SCAND3: variants seen among roughly 807,000 people sequenced by gnomAD.
SCAND3 encodes the protein SCAN domain-containing protein 3.
chr6:28,586,392 T>C, the SCAND3 span: 5 of 1,614,094 alleles, frequency 3.1e-6, no homozygotes, highest in South Asian at 5.5e-5. The surrounding 1 kb of genome is among the most constrained non-coding windows in gnomAD (Gnocchi z 4.4). Context: ...CACCCAAGAC[T>C]GGAGCTCCTC....
At chr6:28,586,743 G>C in the SCAND3 span, 2 of 1,592,248 alleles carry the variant, frequency 1.3e-6, no homozygotes, top group Non-Finnish European at 1.7e-6. The surrounding 1 kb of genome is among the most constrained non-coding windows in gnomAD (Gnocchi z 4.4). Context: ...CTCAGGCAAA[G>C]GTTCTCTCCA....
chr6:28,585,074 G>C, the SCAND3 span: 15 of 152,314 alleles, frequency 9.8e-5, no homozygotes, highest in South Asian at 4.1e-4. Context: ...AACACTGGCA[G>C]TTGTTCCAGC....
At chr6:28,586,271 CAGA>C in the SCAND3 span, 7 of 1,555,720 alleles carry the variant, frequency 4.5e-6, no homozygotes, top group African/African-American at 6.8e-5. The surrounding 1 kb of genome is among the most constrained non-coding windows in gnomAD (Gnocchi z 4.4). Context: ...AAATTCTCCA[CAGA>C]AGATGGCACC....
the SCAND3 span, among the ~76,000 whole-genome samples, chr6:28,596,674 C>A: frequency 6.6e-6 from 1 of 152,066 alleles, no homozygotes; most frequent in Non-Finnish European, 1.5e-5. Context: ...AGAAACTATT[C>A]AATATGGACA....
At chr6:28,573,673 G>A in the SCAND3 span, 8 of 1,611,036 alleles carry the variant, frequency 5.0e-6, no homozygotes, top group Non-Finnish European at 6.8e-6. Context: ...AATATATGAA[G>A]GATCATATTT....
At chr6:28,613,913 A>G in the SCAND3 span, among the ~76,000 whole-genome samples, 1 of 152,006 alleles carries the variant, frequency 6.6e-6, no homozygotes, top group African/African-American at 2.4e-5. Context: ...ACAAGTATAG[A>G]CACTACTATA....
At chr6:28,579,176 T>C in the SCAND3 span, 4 of 1,132,680 alleles carry the variant, frequency 3.5e-6, no homozygotes, top group African/African-American at 1.5e-5. This position sits in a 1 kb window ranked among gnomAD's most constrained non-coding sequence, Gnocchi z 4.5. Context: ...ATACATTCAG[T>C]AGAAGCTGAA....
At chr6:28,604,355 G>A in the SCAND3 span, among the ~76,000 whole-genome samples, 1 of 151,866 alleles carries the variant, frequency 6.6e-6, no homozygotes, top group Non-Finnish European at 1.5e-5. Context: ...TGTGGCTCAC[G>A]CCTATAATCT....
the SCAND3 span, among the ~76,000 whole-genome samples, chr6:28,591,931 TA>T: frequency 6.6e-6 from 1 of 152,116 alleles, no homozygotes; most frequent in African/African-American, 2.4e-5. Flanking sequence ...CTGAGGAAAT[TA>T]AAACAGACTT....
chr6:28,572,631 T>C, the SCAND3 span: 2 of 1,613,828 alleles, frequency 1.2e-6, no homozygotes, highest in East Asian at 2.2e-5. The surrounding 1 kb of genome is among the most constrained non-coding windows in gnomAD (Gnocchi z 4.1). Flanking sequence ...ACCACATGGG[T>C]TTCTTGCCTT....
the SCAND3 span, chr6:28,572,672 C>T: frequency 6.2e-7 from 1 of 1,614,074 alleles, no homozygotes; most frequent in Non-Finnish European, 8.5e-7. This position sits in a 1 kb window ranked among gnomAD's most constrained non-coding sequence, Gnocchi z 4.1. Context: ...TTTCGTATTT[C>T]AAACATTCTT....
chr6:28,576,384 C>T, the SCAND3 span, among the ~76,000 whole-genome samples: 3 of 152,036 alleles, frequency 2.0e-5, no homozygotes, highest in Non-Finnish European at 4.4e-5. Flanking sequence ...CTCAGCCTCC[C>T]GAGTAGCTGG....
the SCAND3 span, chr6:28,575,423 T>C: frequency 6.2e-7 from 1 of 1,614,036 alleles, no homozygotes; most frequent in South Asian, 1.1e-5. This position sits in a 1 kb window ranked among gnomAD's most constrained non-coding sequence, Gnocchi z 4.2. Context: ...GGTGCTCCAA[T>C]AATTGTAAAT....
chr6:28,575,129 C>G, the SCAND3 span: 1 of 1,614,128 alleles, frequency 6.2e-7, no homozygotes, highest in Non-Finnish European at 8.5e-7. The surrounding 1 kb of genome is among the most constrained non-coding windows in gnomAD (Gnocchi z 4.2). Flanking sequence ...AGTTTAGCTT[C>G]AGAGCTAAAT....
chr6:28,605,778 G>A, the SCAND3 span, among the ~76,000 whole-genome samples: 2,906 of 152,152 alleles, frequency 0.019, 40 homozygotes, highest in African/African-American at 0.038. Context: ...CCCGGGAGGC[G>A]GAGGTTGCAG....
At chr6:28,575,824 TC>T in the SCAND3 span, 6 of 1,613,940 alleles carry the variant, frequency 3.7e-6, no homozygotes, top group South Asian at 5.5e-5. The surrounding 1 kb of genome is among the most constrained non-coding windows in gnomAD (Gnocchi z 4.2). Context: ...TTTATCTGTT[TC>T]CCCATTTACA....
chr6:28,601,723 G>C, the SCAND3 span, among the ~76,000 whole-genome samples: 6 of 152,112 alleles, frequency 3.9e-5, no homozygotes, highest in Admixed American at 3.9e-4. Flanking sequence ...ATGGGGTTTT[G>C]CCATGTTGGT....
the SCAND3 span, among the ~76,000 whole-genome samples, chr6:28,601,327 G>T: frequency 1.3e-5 from 2 of 152,218 alleles, no homozygotes; most frequent in African/African-American, 2.4e-5. Context: ...AGAGATGAAT[G>T]AAATAAGAAT....
the SCAND3 span, among the ~76,000 whole-genome samples, chr6:28,593,244 A>G: frequency 3.9e-5 from 6 of 152,202 alleles, no homozygotes; most frequent in Non-Finnish European, 7.3e-5. Flanking sequence ...CAAAATAGGC[A>G]AAGGACCTGA....
Sources: allele counts gnomAD v4.1 joint callset (sites outside exome capture counted in the v4.1 genomes callset), GRCh38; gene constraint gnomAD v4.1.1; non-coding constraint Gnocchi (gnomAD v3.1); transcripts MANE v1.5; gene names NCBI Gene and HGNC (gene_info 2026-07-23, HGNC 2026-07-21).